Variants in SLC5A10 observed in about 807,000 individuals in gnomAD.
The protein encoded by SLC5A10 is sodium/mannose cotransporter SLC5A10.
Under a neutral mutation model 68.9 loss-of-function variants are expected in SLC5A10, and 55 were observed. The ratio of observed to expected loss-of-function variants is 0.80; its 90% CI spans 0.64 to 1.00. The LOEUF (loss-of-function observed/expected upper bound fraction) is 1.00. Among genes scored for constraint, SLC5A10 ranks in the 50% least tolerant of loss-of-function variants. The pLI is 0.00. For missense variants in SLC5A10, 732 were observed against 819.3 expected, an observed-to-expected ratio of 0.89 and a Z score of 1.30; for synonymous variants, 344 against 344.8, an observed-to-expected ratio of 1.00 and a Z score of 0.02.
Position 19,004,177 on chromosome 17 carries a change from A to G in SLC5A10, c.983-9233A>G. 2 of 853,136 alleles carry G rather than the reference A, an allele frequency of 2.3e-6. No homozygotes were observed. Among genetic ancestry groups the G allele is most frequent in the Non-Finnish European group, 3.5e-6 (2 of 578,848 alleles). The allele number at this position is 853,136 out of a possible 1,614,324, so 52.8% of individuals were successfully genotyped here. A position where few individuals can be genotyped will look rare whatever the true frequency, so the allele number is the denominator to read the frequency against. The stretch of plus-strand genomic sequence containing the variant: ...TCTCTGCCCATGAGCAATCTGCGGG[A>G]AAGACCTGATGAGCCCGGCTCGGCG... On this transcript the variant is annotated intron_variant, in intron 9 of 14. Transcript: ENST00000395645. The surrounding 1 kb of genome is among the most constrained non-coding windows in gnomAD (Gnocchi z 5.4).
chr17:18,951,292 C>A (rs146422237), upstream of SLC5A10, among the ~76,000 whole-genome samples: 6 of 152,238 alleles, frequency 3.9e-5, no homozygotes, highest in African/African-American at 1.4e-4. Flanking sequence ...ACTGTCACTG[C>A]GGTGGAGACG....
intron 9 of SLC5A10, chr17:18,979,390 C>T: frequency 1.1e-6 from 1 of 869,864 alleles, no homozygotes; most frequent in Non-Finnish European, 1.7e-6. Flanking sequence ...CTGCCTGCCT[C>T]CAGAGACAGA....
intron 9 of SLC5A10, among the ~76,000 whole-genome samples, chr17:18,989,700 A>T (rs895385054): frequency 3.3e-5 from 5 of 152,166 alleles, no homozygotes; most frequent in African/African-American, 1.2e-4. Context: ...TTTCTCCCAC[A>T]GTCACCCCGC....
Position 18,971,117 on chromosome 17 carries a change from G to A in SLC5A10, c.745G>A (p.Ala249Thr), listed in dbSNP as rs142677221. 6.8e-6 allele frequency: 11 copies of A among 1,613,938 alleles called. No homozygotes were observed. Among genetic ancestry groups the A allele is most frequent in the African/African-American group, 1.3e-5 (1 of 74,924 alleles). ...CACCTGCCACCTGCCACGTACAGAC[G>A]CCATGCACATGTTTCGAGACCCCCA... ...NTTCHLPRTD[A>T]MHMFRDPHTG... Residue 249 changes from alanine (A) to threonine (T), a missense_variant, in exon 8 of 15, where the codon GCC (alanine) becomes ACC (threonine). By Grantham distance (58) the Ala-to-Thr change is moderately conservative. Coordinates refer to ENST00000395645, the MANE Select transcript of SLC5A10 (RefSeq NM_001042450.4). This position sits in a 1 kb window ranked among gnomAD's most constrained non-coding sequence, Gnocchi z 5.5.
In SLC5A10 at chr17:18,961,929, G is replaced by A. The variant is rs1176457241; in HGVS notation, c.453+1277G>A. 5.9e-5 allele frequency among the ~76,000 whole-genome samples: 9 copies of A among 152,206 alleles called. No homozygotes were observed. In the East Asian group the frequency reaches 1.2e-3, roughly 20 times the overall value. ...TCAGGAGTGGCCAGCAGCAAACCCC[G>A]TACCGCAGTCTTCGCCAGATGCCCT... On this transcript the variant is annotated intron_variant, in intron 5 of 14. Transcript: ENST00000395645.
chr17:18,978,209 C>A, intron 9 of SLC5A10: 1 of 1,562,906 alleles, frequency 6.4e-7, no homozygotes, highest in Non-Finnish European at 8.7e-7. Flanking sequence ...AGCTGGGACA[C>A]CGTCCTGGGG....
intron 5 of SLC5A10, among the ~76,000 whole-genome samples, chr17:18,961,070 G>C (rs532284935): frequency 4.4e-4 from 67 of 152,336 alleles, no homozygotes; most frequent in Admixed American, 7.2e-4. Context: ...CCCCAAGGCT[G>C]GTGGGCTCCA....
At chr17:18,998,296 A>C (rs999084873) in intron 9 of SLC5A10, among the ~76,000 whole-genome samples, 4 of 152,206 alleles carry the variant, frequency 2.6e-5, no homozygotes, top group African/African-American at 9.6e-5. Context: ...ACAAGGCCTG[A>C]TCCCCATTTT....
chr17:19,013,419 G>T lies in SLC5A10; in HGVS notation c.992G>T (p.Gly331Val). The change falls in exon 10 of 15, where the codon GGC becomes GTC. Residue 331 changes from glycine to valine, a missense_variant. Gly to Val is a moderately radical substitution (Grantham distance 109). Coordinates refer to ENST00000395645, the MANE Select transcript of SLC5A10 (RefSeq NM_001042450.4). Reference protein sequence around the residue: ...ISRALFPDDVGCVVPSECLRA... With the variant: ...ISRALFPDDVVCVVPSECLRA... ...TCCGTCTCTCGAACAGATGATGTGG[G>T]CTGCGTGGTGCCGTCCGAGTGCCTG... The T allele has an allele frequency of 6.2e-7, 1 of 1,607,144 alleles. No homozygotes were observed. The highest frequency in any genetic ancestry group is 8.5e-7 in the Non-Finnish European group (1 of 1,176,530).
chr17:18,969,111 C>G lies in SLC5A10; in HGVS notation c.513C>G (p.Leu171=), dbSNP rs1231758177. ...VHICLGWNFY[L]STILTLGITA... ...TCTGCCTGGGCTGGAACTTCTACCT[C>G]TCCACCATCCTCACGCTCGGCATCA... Residue 171 remains leucine, a synonymous_variant, in exon 6 of 15, where the codon CTC becomes CTG. Transcript: ENST00000395645. The G allele has an allele frequency of 8.7e-6, 14 of 1,614,048 alleles. No homozygotes were observed. The highest frequency in any genetic ancestry group is 1.2e-5 in the Non-Finnish European group (14 of 1,180,010).
chr17:18,968,592 G>C lies in SLC5A10; in HGVS notation c.454-460G>C, dbSNP rs2042759015. On this transcript the variant is annotated intron_variant, in intron 5 of 14. Transcript: ENST00000395645. The surrounding 1 kb of genome is among the most constrained non-coding windows in gnomAD (Gnocchi z 4.1). ...CTGGGGGGTGGGGGCAGGAAGCAAG[G>C]CTGCCCCTCTGTTTCCTGGTCCGCC... is the stretch of plus-strand genomic sequence containing the variant. Among the ~76,000 whole-genome samples the C allele has an allele frequency of 6.6e-6, 1 of 152,094 alleles. No individual in the cohort carries two copies. The highest frequency in any genetic ancestry group is 1.5e-5 in the Non-Finnish European group (1 of 68,032).
intron 9 of SLC5A10, among the ~76,000 whole-genome samples, chr17:18,999,043 G>A (rs2043648410): frequency 6.6e-6 from 1 of 152,224 alleles, no homozygotes; most frequent in Admixed American, 6.5e-5. Context: ...ACTTTGGGAG[G>A]CAGAGGCGGG....
chr17:18,958,861 C>A, intron 2 of SLC5A10, 108 bp downstream of exon 2: 3 of 1,337,940 alleles, frequency 2.2e-6, no homozygotes, highest in Non-Finnish European at 3.2e-6. Flanking sequence ...TTCAGTGGAG[C>A]AGGCCGGAGG....
intron 9 of SLC5A10, among the ~76,000 whole-genome samples, chr17:18,985,310 C>CT (rs1348672693): frequency 8.5e-5 from 13 of 152,226 alleles, no homozygotes; most frequent in Non-Finnish European, 2.9e-5. Context: ...TAGAAGGATT[C>CT]AGTGACTCTG....
intron 9 of SLC5A10, chr17:18,979,456 G>C: frequency 6.8e-7 from 1 of 1,481,414 alleles, no homozygotes; most frequent in Non-Finnish European, 9.1e-7. Context: ...TGGGACCAAT[G>C]AACCGGAATA....
At chr17:18,961,959 G>A (rs2042621631) in intron 5 of SLC5A10, among the ~76,000 whole-genome samples, 4 of 152,190 alleles carry the variant, frequency 2.6e-5, no homozygotes, top group African/African-American at 7.2e-5. Context: ...TGCCCTTGGC[G>A]TACTGTAGGA....
In SLC5A10 at chr17:18,971,755, G is replaced by A; in HGVS notation, c.846+537G>A. On this transcript the variant is annotated intron_variant, in intron 8 of 14. Coordinates refer to ENST00000395645, the MANE Select transcript of SLC5A10 (RefSeq NM_001042450.4). This position sits in a 1 kb window ranked among gnomAD's most constrained non-coding sequence, Gnocchi z 5.5. ...GATGATGAAACTGCTGGCCCTGGGA[G>A]AGAGAGAGCAGAGAGTGAGGCTGAG... is the stretch of plus-strand genomic sequence containing the variant. 1 of 1,554,020 alleles carries A rather than the reference G, an allele frequency of 6.4e-7. No homozygotes were observed. Among genetic ancestry groups the A allele is most frequent in the Non-Finnish European group, 8.7e-7 (1 of 1,148,284 alleles).
At position 19,016,115 on chromosome 17, in the gene SLC5A10, G is replaced by T. The variant is rs563875711; in HGVS notation, c.1241+916G>T. Among the ~76,000 whole-genome samples, 21 of 149,764 alleles carry T rather than the reference G, an allele frequency of 1.4e-4. 1 individual carries two copies. Among genetic ancestry groups the T allele is most frequent in the Admixed American group, 1.2e-3 (18 of 14,974 alleles). ...GGCTGGAGTGCAGTGGTATGATCTT[G>T]GCTCCCTGCGACCTCCACCTCCCGG... On this transcript the variant is annotated intron_variant, in intron 11 of 14. Coordinates refer to ENST00000395645, the MANE Select transcript of SLC5A10 (RefSeq NM_001042450.4).
At chr17:18,984,188 A>T (rs1470226585) in intron 9 of SLC5A10, among the ~76,000 whole-genome samples, 1 of 151,862 alleles carries the variant, frequency 6.6e-6, no homozygotes, top group Non-Finnish European at 1.5e-5. Flanking sequence ...TAAAAATACA[A>T]AAAATTAGCC....
Sources: allele counts gnomAD v4.1 joint callset (sites outside exome capture counted in the v4.1 genomes callset), GRCh38; gene constraint gnomAD v4.1.1; non-coding constraint Gnocchi (gnomAD v3.1); transcripts MANE v1.5; gene names NCBI Gene and HGNC (gene_info 2026-07-23, HGNC 2026-07-21).